RBPJ: variants seen among roughly 807,000 people sequenced by gnomAD.
RBPJ encodes recombination signal binding protein for immunoglobulin kappa J region.
In RBPJ, 9 loss-of-function variants were observed where a neutral mutation model predicts 67.8. The observed-to-expected ratio is 0.13, with a 90% confidence interval of 0.08 to 0.23. The LOEUF (loss-of-function observed/expected upper bound fraction) is 0.23. Among genes scored for constraint, RBPJ ranks in the 10% least tolerant of loss-of-function variants. The pLI is 1.00. For missense variants in RBPJ, 305 were observed against 595.6 expected, an observed-to-expected ratio of 0.51 and a Z score of 5.08; for synonymous variants, 198 against 203.3, an observed-to-expected ratio of 0.97 and a Z score of 0.22.
chr4:26,156,592 G>A, the RBPJ span, among the ~76,000 whole-genome samples: 1 of 125,962 alleles, frequency 7.9e-6, no homozygotes, highest in East Asian at 2.7e-4. Context: ...GCTAATTTTT[G>A]TATTTTTAGT....
intron 1 of RBPJ, among the ~76,000 whole-genome samples, chr4:26,344,623 T>A (rs1725944136): frequency 1.3e-5 from 2 of 152,204 alleles, no homozygotes; most frequent in Non-Finnish European, 2.9e-5. Context: ...GGTAATTTTT[T>A]AATCAAAATA....
intron 1 of RBPJ, among the ~76,000 whole-genome samples, chr4:26,258,069 G>A (rs913917001): frequency 9.9e-5 from 15 of 152,226 alleles, no homozygotes; most frequent in Non-Finnish European, 1.6e-4. Context: ...GTCGGGAAAT[G>A]TGTTGTAAGA....
At chr4:26,421,395 C>T (rs1735126029) in intron 5 of RBPJ, among the ~76,000 whole-genome samples, 1 of 152,062 alleles carries the variant, frequency 6.6e-6, no homozygotes, top group South Asian at 2.1e-4. Flanking sequence ...CTCCACCTCC[C>T]GGGTTCAACC....
chr4:26,293,433 AGGGCAGCCT>A (rs1402690494), intron 1 of RBPJ, among the ~76,000 whole-genome samples: 2 of 149,840 alleles, frequency 1.3e-5, no homozygotes, highest in African/African-American at 4.9e-5. Flanking sequence ...CAGGAGTTCA[AGGGCAGCCT>A]GGGCAACATA....
Position 26,391,703 on chromosome 4 carries a change from GAAAC to G in RBPJ, c.59+5315_59+5318del, listed in dbSNP as rs949520323. Reference sequence around the variant, plus strand: ...AGGACTCTGAAAAGTAAATAATAAGGAAACAATCCATTTTTAAAGGGTGGAAATG... The same window carrying G: ...AGGACTCTGAAAAGTAAATAATAAGGAATCCATTTTTAAAGGGTGGAAATG... On this transcript the variant is annotated intron_variant, in intron 2 of 10. Transcript: ENST00000355476. Among the ~76,000 whole-genome samples the G allele has an allele frequency of 8.5e-5, 13 of 152,176 alleles. No individual in the cohort carries two copies. In the East Asian group the frequency reaches 1.5e-3, roughly 18 times the overall value.
At chr4:26,156,245 A>G in the RBPJ span, among the ~76,000 whole-genome samples, 1 of 152,186 alleles carries the variant, frequency 6.6e-6, no homozygotes, top group African/African-American at 2.4e-5. Flanking sequence ...TGACAATCTG[A>G]TATTTATGAA....
Position 26,391,199 on chromosome 4 carries a change from C to A in RBPJ, c.59+4808C>A, listed in dbSNP as rs538784176. On this transcript the variant is annotated intron_variant, in intron 2 of 10. Transcript: ENST00000355476. The stretch of plus-strand genomic sequence containing the variant: ...AAATTTATATAGAAATGCAAATAAC[C>A]TTGAAAAAAAGAAAAAAGAACTTAC... Among the ~76,000 whole-genome samples, 361 of 151,958 alleles carry A rather than the reference C, an allele frequency of 2.4e-3. 1 individual carries two copies. Among genetic ancestry groups the A allele is most frequent in the Non-Finnish European group, 3.3e-3 (227 of 67,934 alleles).
intron 1 of RBPJ, among the ~76,000 whole-genome samples, chr4:26,300,999 T>C (rs558813545): frequency 1.6e-4 from 24 of 152,334 alleles, no homozygotes; most frequent in African/African-American, 5.8e-4. Context: ...ACAGAATTCT[T>C]CACAGTTAAT....
At position 26,431,131 on chromosome 4, in the gene RBPJ, C is replaced by A. The variant is rs573982434; in HGVS notation, c.*124C>A. On this transcript the variant is annotated 3_prime_UTR_variant, in exon 11 of 11. Coordinates refer to ENST00000355476, the MANE Select transcript of RBPJ (RefSeq NM_015874.6). The stretch of plus-strand genomic sequence containing the variant: ...ACTTTTCATACCAGGTGATACTATT[C>A]AAAAACCCCGTTGTCTCCCTGCAAG... 23 of 448,582 alleles carry A rather than the reference C, an allele frequency of 5.1e-5. No individual in the cohort carries two copies. In the East Asian group the frequency reaches 1.4e-3, roughly 27 times the overall value. 27.8% of individuals were successfully genotyped at this position (448,582 alleles called of 1,614,324 possible). A position where few individuals can be genotyped will look rare whatever the true frequency, so the allele number is the denominator to read the frequency against.
the RBPJ span, among the ~76,000 whole-genome samples, chr4:26,126,218 T>C: frequency 6.6e-6 from 1 of 152,244 alleles, no homozygotes; most frequent in Non-Finnish European, 1.5e-5. Flanking sequence ...GGATTTGGGA[T>C]ACAAAGATGA....
At chr4:26,425,452 C>T (rs184399698) in intron 7 of RBPJ, among the ~76,000 whole-genome samples, 1,685 of 151,290 alleles carry the variant, frequency 0.011, 15 homozygotes, top group Non-Finnish European at 0.017. Context: ...CCACTGACCC[C>T]GCCCCCCCAA....
At chr4:26,345,042 C>G (rs1324593302) in intron 1 of RBPJ, among the ~76,000 whole-genome samples, 1 of 152,168 alleles carries the variant, frequency 6.6e-6, no homozygotes, top group Non-Finnish European at 1.5e-5. Flanking sequence ...TAAACTTTGA[C>G]AGTAACAGCT....
chr4:26,297,157 G>A (rs539296575), intron 1 of RBPJ, among the ~76,000 whole-genome samples: 3 of 152,048 alleles, frequency 2.0e-5, no homozygotes, highest in African/African-American at 4.8e-5. Context: ...TTATCCAGGC[G>A]TGGTGGCAGA....
intron 1 of RBPJ, among the ~76,000 whole-genome samples, chr4:26,274,388 G>A (rs943522756): frequency 6.6e-6 from 1 of 152,234 alleles, no homozygotes; most frequent in Non-Finnish European, 1.5e-5. Context: ...AGCAGTCCAA[G>A]AGGCTGAGGC....
chr4:26,354,451 G>GTTTTTT (rs35328021), intron 1 of RBPJ, among the ~76,000 whole-genome samples: 2 of 117,498 alleles, frequency 1.7e-5, no homozygotes, highest in Non-Finnish European at 1.8e-5. Context: ...AAAGATTTCT[G>GTTTTTT]TTTTTTTTTT....
chr4:26,315,394 A>G (rs1232864213), upstream of RBPJ, among the ~76,000 whole-genome samples: 1 of 151,612 alleles, frequency 6.6e-6, no homozygotes, highest in East Asian at 1.9e-4. Context: ...AAAACCAGCA[A>G]GTTTTTATTA....
chr4:26,359,317 A>G (rs927417811), intron 1 of RBPJ, among the ~76,000 whole-genome samples: 8 of 151,814 alleles, frequency 5.3e-5, no homozygotes, highest in East Asian at 1.9e-4. Flanking sequence ...TTTCCATTGT[A>G]TGGGTGTGTC....
intron 1 of RBPJ, among the ~76,000 whole-genome samples, chr4:26,380,102 T>G (rs567888736): frequency 6.6e-6 from 1 of 152,310 alleles, no homozygotes; most frequent in South Asian, 2.1e-4. Context: ...ATTCTTCTTG[T>G]GTGACTTAAG....
At chr4:26,413,429 G>C (rs534524224) in intron 3 of RBPJ, among the ~76,000 whole-genome samples, 2 of 152,228 alleles carry the variant, frequency 1.3e-5, no homozygotes, top group South Asian at 4.1e-4. Flanking sequence ...TCATTTATCT[G>C]TTTTTATTAT....
Sources: gnomAD v4.1 joint callset for allele counts (sites outside exome capture counted in the v4.1 genomes callset) on GRCh38, gnomAD v4.1.1 for gene constraint, MANE v1.5 for transcripts, NCBI Gene and HGNC (gene_info 2026-07-23, HGNC 2026-07-21) for gene names.